Variants in CFAP20DC observed in about 807,000 individuals in gnomAD.
CFAP20DC encodes protein CFAP20DC.
In CFAP20DC, 84 loss-of-function variants were observed where a neutral mutation model predicts 101.7. That is an observed-to-expected ratio of 0.83 (90% confidence interval 0.69 to 0.99). The LOEUF (loss-of-function observed/expected upper bound fraction) is 0.99. Ranked by LOEUF, CFAP20DC falls within the 50% of genes least tolerant of loss-of-function variation. The pLI is 0.00. For synonymous variants in CFAP20DC, 359 were observed against 351.2 expected, an observed-to-expected ratio of 1.02 and a Z score of -0.25; for missense variants, 1,007 against 970.3, an observed-to-expected ratio of 1.04 and a Z score of -0.50.
At chr3:58,982,795 C>T (rs905285809) in intron 4 of CFAP20DC, among the ~76,000 whole-genome samples, 5 of 151,448 alleles carry the variant, frequency 3.3e-5, no homozygotes, top group African/African-American at 1.2e-4. Context: ...CAACATGGCA[C>T]ATGTATACAT....
At chr3:58,747,181 G>A (rs2068264675) in intron 16 of CFAP20DC, among the ~76,000 whole-genome samples, 1 of 152,068 alleles carries the variant, frequency 6.6e-6, no homozygotes, top group African/African-American at 2.4e-5. Flanking sequence ...ACACAATAAA[G>A]CCATTTCTAG....
chr3:58,937,273 G>A (rs938174433), intron 5 of CFAP20DC, among the ~76,000 whole-genome samples: 1 of 152,136 alleles, frequency 6.6e-6, no homozygotes, highest in African/African-American at 2.4e-5. Flanking sequence ...GCTTTTGCTG[G>A]AATGCCTGGC....
chr3:58,762,472 G>A (rs200492964), intron 15 of CFAP20DC, among the ~76,000 whole-genome samples: 1 of 151,970 alleles, frequency 6.6e-6, no homozygotes, highest in African/African-American at 2.4e-5. Context: ...GCACACTGAT[G>A]GGTCTTGACT....
chr3:58,898,265 C>T (rs1390696265), intron 6 of CFAP20DC, among the ~76,000 whole-genome samples: 4 of 151,806 alleles, frequency 2.6e-5, no homozygotes, highest in African/African-American at 7.3e-5. Flanking sequence ...ACCACTGCCT[C>T]CCAGGTTTAA....
At chr3:58,922,414 A>G (rs12632173) in intron 5 of CFAP20DC, among the ~76,000 whole-genome samples, 9,015 of 152,204 alleles carry the variant, frequency 0.059, 574 homozygotes, top group East Asian at 0.38. Flanking sequence ...TTCGTGCCCA[A>G]TGTTAGAGAT....
intron 4 of CFAP20DC, among the ~76,000 whole-genome samples, chr3:59,025,199 A>G (rs1434291147): frequency 6.6e-6 from 1 of 152,166 alleles, no homozygotes; most frequent in Non-Finnish European, 1.5e-5. Context: ...TCTTTTAAAT[A>G]AATAACTAGC....
intron 4 of CFAP20DC, among the ~76,000 whole-genome samples, chr3:58,994,116 A>G (rs2093032418): frequency 6.6e-6 from 1 of 152,192 alleles, no homozygotes; most frequent in South Asian, 2.1e-4. Context: ...CTTTCCATTT[A>G]AATAAAAACC....
intron 15 of CFAP20DC, among the ~76,000 whole-genome samples, chr3:58,770,354 G>T (rs954552049): frequency 2.0e-5 from 3 of 152,080 alleles, no homozygotes; most frequent in South Asian, 4.2e-4. Context: ...GACTTTATGC[G>T]GGGTACTGAG....
intron 6 of CFAP20DC, among the ~76,000 whole-genome samples, chr3:58,893,465 C>T (rs1282667335): frequency 2.0e-5 from 3 of 152,152 alleles, no homozygotes; most frequent in Admixed American, 6.5e-5. Context: ...GTTGAACTAA[C>T]CTTGCATACT....
At chr3:58,931,342 A>G (rs1402288344) in intron 5 of CFAP20DC, among the ~76,000 whole-genome samples, 1 of 152,250 alleles carries the variant, frequency 6.6e-6, no homozygotes, top group African/African-American at 2.4e-5. Flanking sequence ...CTTTGGGGGC[A>G]GGGCACAGAC....
In CFAP20DC at chr3:58,788,059, C is replaced by A. The variant is rs2072526178; in HGVS notation, c.2237+18336G>T. The stretch of plus-strand genomic sequence containing the variant: ...GTAGATGATGGGTTGATAGGTGCAG[C>A]AAACCACCATGGCATGTGTATACCT... On this transcript the variant is annotated intron_variant, in intron 15 of 16. Transcript: ENST00000482387. This position sits in a 1 kb window ranked among gnomAD's most constrained non-coding sequence, Gnocchi z 4.2. 6.6e-6 allele frequency among the ~76,000 whole-genome samples: 1 copy of A among 151,446 alleles called. No individual in the cohort carries two copies. The highest frequency in any genetic ancestry group is 2.4e-5 in the African/African-American group (1 of 41,176).
chr3:58,980,576 A>G (rs1576577911), intron 4 of CFAP20DC, among the ~76,000 whole-genome samples: 1 of 152,350 alleles, frequency 6.6e-6, no homozygotes, highest in East Asian at 1.9e-4. Context: ...AATGTAATTG[A>G]GCATATAAAC....
Position 59,049,643 on chromosome 3 carries a change from G to T in CFAP20DC, c.-12C>A, listed in dbSNP as rs766352047. 1 of 1,536,124 alleles carries T rather than the reference G, an allele frequency of 6.5e-7. No homozygotes were observed. ...TCATTTTTGAACATTCCCGCAGGGGGCCCAGGGCTTGGGGGGCACAGAGTT... is the reference window on the plus strand; with the variant it reads ...TCATTTTTGAACATTCCCGCAGGGGTCCCAGGGCTTGGGGGGCACAGAGTT... On this transcript the variant is annotated 5_prime_UTR_variant, in exon 1 of 17. Transcript: ENST00000482387.
intron 4 of CFAP20DC, among the ~76,000 whole-genome samples, chr3:59,000,635 G>A (rs2093282027): frequency 6.6e-6 from 1 of 152,132 alleles, no homozygotes; most frequent in Non-Finnish European, 1.5e-5. Flanking sequence ...GGGCACTCAA[G>A]GAGAATCGGG....
chr3:58,993,532 A>G (rs540904077), intron 4 of CFAP20DC, among the ~76,000 whole-genome samples: 1 of 152,100 alleles, frequency 6.6e-6, no homozygotes, highest in African/African-American at 2.4e-5. Context: ...CCCATCACCT[A>G]GGTATTAAGC....
At chr3:58,963,623 T>C (rs1207520470) in intron 4 of CFAP20DC, among the ~76,000 whole-genome samples, 2 of 152,300 alleles carry the variant, frequency 1.3e-5, no homozygotes, top group Admixed American at 6.5e-5. Flanking sequence ...ACTGTTTTTT[T>C]AATCCCCCTT....
intron 5 of CFAP20DC, among the ~76,000 whole-genome samples, chr3:58,918,764 C>A (rs1250278502): frequency 6.6e-6 from 1 of 152,086 alleles, no homozygotes; most frequent in African/African-American, 2.4e-5. Context: ...GTACTAGCCT[C>A]ACCACTTACT....
At position 58,816,096 on chromosome 3, in the gene CFAP20DC, A is replaced by T. The variant is rs867594033; in HGVS notation, c.2176-9640T>A. On this transcript the variant is annotated intron_variant, in intron 14 of 16. Coordinates refer to ENST00000482387, the MANE Select transcript of CFAP20DC (RefSeq NM_001394063.1). ...TGTGGCATTATTCACAATAGCAAAG[A>T]CTGGGAACCAACCCAAATGTCCAAC... is the stretch of plus-strand genomic sequence containing the variant. Among the ~76,000 whole-genome samples the T allele has an allele frequency of 5.3e-5, 8 of 151,846 alleles. No individual in the cohort carries two copies. The South Asian group carries it at 1.0e-3, about 20-fold the overall frequency.
At chr3:58,860,885 T>C (rs1421420559) in intron 12 of CFAP20DC, among the ~76,000 whole-genome samples, 1 of 152,200 alleles carries the variant, frequency 6.6e-6, no homozygotes, top group Non-Finnish European at 1.5e-5. Context: ...AAATATTGTT[T>C]CTGTAGTATA....
Sources: gnomAD v4.1 joint callset for allele counts (sites outside exome capture counted in the v4.1 genomes callset) on GRCh38, gnomAD v4.1.1 for gene constraint, Gnocchi (gnomAD v3.1) non-coding constraint, MANE v1.5 for transcripts, NCBI Gene and HGNC (gene_info 2026-07-23, HGNC 2026-07-21) for gene names.